KNSTRN: variants seen among roughly 807,000 people sequenced by gnomAD.
The protein encoded by KNSTRN is small kinetochore-associated protein.
Under a neutral mutation model 44.7 loss-of-function variants are expected in KNSTRN, and 38 were observed. The ratio of observed to expected loss-of-function variants is 0.85; its 90% confidence interval spans 0.66 to 1.11. The LOEUF (loss-of-function observed/expected upper bound fraction) is 1.11, where lower values mean the gene tolerates loss of function less well. KNSTRN is among the 50% of genes most tolerant of loss of function. KNSTRN has a pLI of 0.00. For missense variants in KNSTRN, 406 were observed against 375.8 expected (o/e 1.08, Z -0.66); for synonymous variants, 158 against 148.1 (o/e 1.07, Z -0.48).
chr15:40,384,456 G>A, intron 2 of KNSTRN: 1 of 455,982 alleles, frequency 2.2e-6, no homozygotes, highest in South Asian at 1.5e-5. Context: ...TGTTGCCGCA[G>A]AACACCTGAA....
At chr15:40,384,968 C>T (rs1194586407) in intron 2 of KNSTRN, 1 of 152,896 alleles carries the variant, frequency 6.5e-6, no homozygotes, top group Non-Finnish European at 1.5e-5. Context: ...TGACTGTTAA[C>T]TCCATTTTAC....
chr15:40,393,785 C>T lies in KNSTRN; in HGVS notation c.*188C>T, dbSNP rs531911239. Reference sequence around the variant, plus strand: ...CATTTAAGCAAGTTTTCCCAACCTTCAGGTTGGTCAGCCCTCCTGAGCCTC... The same window carrying T: ...CATTTAAGCAAGTTTTCCCAACCTTTAGGTTGGTCAGCCCTCCTGAGCCTC... On this transcript the variant is annotated 3_prime_UTR_variant, in exon 9 of 9. Coordinates refer to ENST00000249776, the MANE Select transcript of KNSTRN (RefSeq NM_033286.4). 6.2e-6 allele frequency: 3 copies of T among 483,458 alleles called. No homozygotes were observed. Among genetic ancestry groups the T allele is most frequent in the Non-Finnish European group, 1.1e-5 (3 of 279,726 alleles). 29.9% of individuals were successfully genotyped at this position (483,458 alleles called of 1,614,324 possible). A position where few individuals can be genotyped will look rare whatever the true frequency, so the allele number is the denominator to read the frequency against.
At chr15:40,391,466 T>C in intron 6 of KNSTRN, 27 bp from the exon 7 acceptor site, 1 of 1,597,312 alleles carries the variant, frequency 6.3e-7, no homozygotes. Flanking sequence ...GTTCCCTAAG[T>C]GAGATTGACT....
At chr15:40,389,687 G>C in intron 5 of KNSTRN, 76 bp downstream of exon 5, 1 of 1,322,310 alleles carries the variant, frequency 7.6e-7, no homozygotes, top group Non-Finnish European at 1.1e-6. Flanking sequence ...TGGCCCCTTG[G>C]ATGAGCAAGC....
Position 40,382,978 on chromosome 15 carries a change from C to T in KNSTRN, c.143C>T (p.Thr48Ile), listed in dbSNP as rs769954631. The change falls in exon 1 of 9, where the codon ACA (threonine) becomes ATA (isoleucine). Residue 48 changes from threonine to isoleucine, a missense_variant. Transcript: ENST00000249776. Reference sequence around the variant, plus strand: ...GCGGCCGACTTAGCCGGTGGCACGACAGTTGCTGCAGGGAATCTTTTAAAC... The same window carrying T: ...GCGGCCGACTTAGCCGGTGGCACGATAGTTGCTGCAGGGAATCTTTTAAAC... ...TQAADLAGGT[T>I]VAAGNLLNES... 9 of 1,612,094 alleles carry T rather than the reference C, an allele frequency of 5.6e-6. No individual in the cohort carries two copies. In the East Asian group the frequency reaches 1.8e-4, roughly 32 times the overall value.
intron 4 of KNSTRN, among the ~76,000 whole-genome samples, chr15:40,388,363 C>T (rs1046126269): frequency 4.2e-4 from 64 of 152,212 alleles, no homozygotes; most frequent in African/African-American, 1.4e-3. Context: ...AGCAGGAACA[C>T]GCTCTTAAGA....
chr15:40,393,698 C>G lies in KNSTRN; in HGVS notation c.*101C>G. The stretch of plus-strand genomic sequence containing the variant: ...CATGATCTTCTGGGACTCACCATCT[C>G]CAGAATGAAAACAATTTCTACAGTA... On this transcript the variant is annotated 3_prime_UTR_variant, in exon 9 of 9. Coordinates refer to ENST00000249776, the MANE Select transcript of KNSTRN (RefSeq NM_033286.4). 1 of 1,103,120 alleles carries G rather than the reference C, an allele frequency of 9.1e-7. No individual in the cohort carries two copies. Among genetic ancestry groups the G allele is most frequent in the Non-Finnish European group, 1.3e-6 (1 of 766,370 alleles). The allele number at this position is 1,103,120 out of a possible 1,614,324, so 68.3% of individuals were successfully genotyped here.
chr15:40,387,805 C>T lies in KNSTRN; in HGVS notation c.485+599C>T, dbSNP rs150786291. On this transcript the variant is annotated intron_variant, in intron 4 of 8. Transcript: ENST00000249776. ...GGTGGATCACCTGAGGTCAGGAGTT[C>T]GAGTCTAGCCTGGGAAACATGATGG... 3.7e-3 allele frequency among the ~76,000 whole-genome samples: 564 copies of T among 152,124 alleles called. 2 individuals carry two copies. Among genetic ancestry groups the T allele is most frequent in the African/African-American group, 0.013 (522 of 41,490 alleles).
intron 4 of KNSTRN, chr15:40,389,167 C>T (rs780777113): frequency 1.1e-5 from 5 of 458,392 alleles, no homozygotes; most frequent in South Asian, 3.1e-5. Context: ...TTTTTTTAGA[C>T]GGAGTTTTGC....
At chr15:40,388,126 G>A (rs187285009) in intron 4 of KNSTRN, among the ~76,000 whole-genome samples, 8 of 152,350 alleles carry the variant, frequency 5.3e-5, no homozygotes, top group East Asian at 1.9e-4. Context: ...ACCCAGCGGC[G>A]CTAGAGGAAT....
At chr15:40,383,415 G>A in intron 2 of KNSTRN, 93 bp downstream of exon 2, 1 of 964,136 alleles carries the variant, frequency 1.0e-6, no homozygotes, top group Non-Finnish European at 1.6e-6. Flanking sequence ...GCACGGGGAA[G>A]GGCGTCCCGT....
intron 2 of KNSTRN, 74 bp from the exon 3 acceptor site, chr15:40,386,288 G>A: frequency 7.1e-7 from 1 of 1,412,528 alleles, no homozygotes; most frequent in Non-Finnish European, 9.7e-7. Flanking sequence ...ACTTCGAATG[G>A]GGCTCTGTTT....
intron 3 of KNSTRN, 180 bp from the exon 4 acceptor site, chr15:40,386,979 C>T: frequency 3.2e-6 from 2 of 620,460 alleles, no homozygotes; most frequent in Non-Finnish European, 2.9e-6. Flanking sequence ...ACTAAAAAGC[C>T]TTTTCAATAA....
At position 40,382,855 on chromosome 15, in the gene KNSTRN, C is replaced by T; in HGVS notation, c.20C>T (p.Pro7Leu). 6.2e-7 allele frequency: 1 copy of T among 1,611,516 alleles called. No individual in the cohort carries two copies. Among genetic ancestry groups the T allele is most frequent in the Non-Finnish European group, 8.5e-7 (1 of 1,179,740 alleles). Residue 7 changes from proline to leucine, a missense_variant, in exon 1 of 9, where the codon CCG becomes CTG. Transcript: ENST00000249776. ...TACAGTATGGCGGCTCCCGAAGCCC[C>T]GCCCCTGGACAGAGTTTTCCGTACA... MAAPEA[P>L]PLDRVFRTTW...
In KNSTRN at chr15:40,393,892, C is replaced by T. The variant is rs1171142760; in HGVS notation, c.*295C>T. 2.7e-5 allele frequency: 6 copies of T among 219,508 alleles called. No individual in the cohort carries two copies. The highest frequency in any genetic ancestry group is 1.4e-4 in the South Asian group (2 of 13,914). The allele number at this position is 219,508 out of a possible 1,614,324, so 13.6% of individuals were successfully genotyped here. A position where few individuals can be genotyped will look rare whatever the true frequency, so the allele number is the denominator to read the frequency against. Reference sequence around the variant, plus strand: ...TCTAGTCAACCACCTGACTTCAGCACACCATTACAATCGGGAGACTAAACC... The same window carrying T: ...TCTAGTCAACCACCTGACTTCAGCATACCATTACAATCGGGAGACTAAACC... On this transcript the variant is annotated 3_prime_UTR_variant, in exon 9 of 9. Coordinates refer to ENST00000249776, the MANE Select transcript of KNSTRN (RefSeq NM_033286.4).
intron 2 of KNSTRN, chr15:40,384,982 G>A (rs1442346395): frequency 6.6e-6 from 1 of 152,570 alleles, no homozygotes; most frequent in East Asian, 1.9e-4. Flanking sequence ...ATTTTACATG[G>A]AGTAGATTTG....
chr15:40,388,990 CATAATA>C (rs1422959042), intron 4 of KNSTRN, among the ~76,000 whole-genome samples: 2 of 152,076 alleles, frequency 1.3e-5, no homozygotes, highest in African/African-American at 4.8e-5. Context: ...TCTTATTACT[CATAATA>C]ATAATACTAT....
intron 4 of KNSTRN, 92 bp from the exon 5 acceptor site, chr15:40,389,414 G>A: frequency 1.1e-6 from 1 of 882,642 alleles, no homozygotes; most frequent in Non-Finnish European, 1.8e-6. Flanking sequence ...GCCTCCCAAA[G>A]TGCTGGGATT....
At chr15:40,385,605 A>T (rs1889888230) in intron 2 of KNSTRN, among the ~76,000 whole-genome samples, 1 of 152,210 alleles carries the variant, frequency 6.6e-6, no homozygotes, top group Middle Eastern at 3.2e-3. Context: ...GGACACAAAG[A>T]TGCCTTAGAA....
Sources: allele counts gnomAD v4.1 joint callset (sites outside exome capture counted in the v4.1 genomes callset), GRCh38; gene constraint gnomAD v4.1.1; transcripts MANE v1.5; gene names NCBI Gene and HGNC (gene_info 2026-07-23, HGNC 2026-07-21).